The following PTPRD variants were observed in gnomAD, a reference collection of about 807,000 sequenced individuals.
PTPRD encodes protein tyrosine phosphatase receptor type D.
Under a neutral mutation model 214.5 loss-of-function variants are expected in PTPRD, and 34 were observed. The ratio of observed to expected loss-of-function variants is 0.16; its 90% CI spans 0.12 to 0.21. The LOEUF (loss-of-function observed/expected upper bound fraction) is 0.21. Ranked by LOEUF, PTPRD falls within the 10% of genes least tolerant of loss-of-function variation. The pLI is 1.00. For synonymous variants in PTPRD, 1,128 were observed against 845.7 expected (o/e 1.33, Z -5.79); for missense variants, 2,545 against 2,398.7 (o/e 1.06, Z -1.27).
At position 9,723,785 on chromosome 9, in the gene PTPRD, T is replaced by C. The variant is rs950770414; in HGVS notation, c.-287+10748A>G. Among the ~76,000 whole-genome samples, 34 of 152,216 alleles carry C rather than the reference T, an allele frequency of 2.2e-4. 1 individual carries two copies. Among genetic ancestry groups the C allele is most frequent in the African/African-American group, 8.2e-4 (34 of 41,560 alleles). On this transcript the variant is annotated intron_variant, in intron 7 of 45. Transcript: ENST00000381196. ...TACTTGATACTGTTTTGAATAGAAG[T>C]GTTTTCCTATTTTCATATTTGGGCT...
At chr9:10,248,379 T>C (rs1001848724) in intron 3 of PTPRD, among the ~76,000 whole-genome samples, 4 of 152,032 alleles carry the variant, frequency 2.6e-5, no homozygotes, top group Admixed American at 1.3e-4. Context: ...GCAGCACTTA[T>C]TGAAGAAAAA....
In PTPRD at chr9:8,353,937, CATATATAT is replaced by C. The variant is rs59488682; in HGVS notation, c.4662-11967_4662-11960del. 8.1e-3 allele frequency among the ~76,000 whole-genome samples: 495 copies of C among 61,298 alleles called. 41 individuals are homozygous for C. Among genetic ancestry groups the C allele is most frequent in the African/African-American group, 0.032 (469 of 14,780 alleles). The allele number at this position is 61,298 out of a possible 152,430, so 40.2% of individuals were successfully genotyped here. A position where few individuals can be genotyped will look rare whatever the true frequency, so the allele number is the denominator to read the frequency against. On this transcript the variant is annotated intron_variant, in intron 39 of 45. Transcript: ENST00000381196. ...ATATATGTATATATATGTGTGTGTA[CATATATAT>C]ATATATATATATATATATGTTTTTT... is the stretch of plus-strand genomic sequence containing the variant.
intron 4 of PTPRD, among the ~76,000 whole-genome samples, chr9:9,956,137 T>C (rs1236811474): frequency 6.6e-6 from 1 of 152,208 alleles, no homozygotes; most frequent in African/African-American, 2.4e-5. Flanking sequence ...GGTCTTCATT[T>C]CATCATAAAT....
At chr9:10,541,042 T>C (rs2784610) in intron 2 of PTPRD, among the ~76,000 whole-genome samples, 3 of 152,080 alleles carry the variant, frequency 2.0e-5, no homozygotes, top group African/African-American at 7.2e-5. Context: ...CCATTAAACA[T>C]TGATACGCAC....
At chr9:8,828,969 T>C (rs2097228853) in intron 11 of PTPRD, among the ~76,000 whole-genome samples, 1 of 152,170 alleles carries the variant, frequency 6.6e-6, no homozygotes, top group Non-Finnish European at 1.5e-5. Flanking sequence ...GAAACACATA[T>C]TCTTGGAAAT....
chr9:10,359,048 C>T (rs1160146990), intron 2 of PTPRD, among the ~76,000 whole-genome samples: 1 of 151,844 alleles, frequency 6.6e-6, no homozygotes, highest in Non-Finnish European at 1.5e-5. Context: ...ATATATATTA[C>T]AAGTCTAATA....
intron 5 of PTPRD, among the ~76,000 whole-genome samples, chr9:9,802,038 A>C (rs2099043836): frequency 6.6e-6 from 1 of 152,078 alleles, no homozygotes; most frequent in South Asian, 2.1e-4. Context: ...GTTTCATCTT[A>C]TGCATTTCAA....
At chr9:10,252,430 A>G (rs1343070911) in intron 3 of PTPRD, among the ~76,000 whole-genome samples, 7 of 152,142 alleles carry the variant, frequency 4.6e-5, no homozygotes, top group African/African-American at 1.7e-4. Context: ...GCCAGCTGCC[A>G]TCATCAACTG....
At chr9:9,235,904 A>G (rs1488933195) in intron 9 of PTPRD, among the ~76,000 whole-genome samples, 1 of 152,162 alleles carries the variant, frequency 6.6e-6, no homozygotes, top group Non-Finnish European at 1.5e-5. Flanking sequence ...ATGGAAAGTT[A>G]CCTTGCATGT....
At chr9:8,418,627 AG>A (rs2094130148) in intron 35 of PTPRD, among the ~76,000 whole-genome samples, 1 of 151,782 alleles carries the variant, frequency 6.6e-6, no homozygotes, top group South Asian at 2.1e-4. Context: ...AAGTCTTTCA[AG>A]GTTGGGAAAC....
intron 4 of PTPRD, among the ~76,000 whole-genome samples, chr9:9,973,301 C>CAA (rs747369676): frequency 0.016 from 1,200 of 74,162 alleles, 30 homozygotes; most frequent in African/African-American, 0.047. Context: ...CCTTGTCTTT[C>CAA]AAAAAAAAAA....
chr9:10,162,842 T>A (rs1487818697), intron 3 of PTPRD, among the ~76,000 whole-genome samples: 2 of 150,136 alleles, frequency 1.3e-5, no homozygotes, highest in Non-Finnish European at 3.0e-5. Flanking sequence ...CACAAACATT[T>A]TTTGGTTTTT....
chr9:9,316,186 T>C (rs771244174), intron 9 of PTPRD, among the ~76,000 whole-genome samples: 14 of 152,042 alleles, frequency 9.2e-5, no homozygotes, highest in Middle Eastern at 3.4e-3. Flanking sequence ...GTCCATGAGA[T>C]TGCTACACAA....
chr9:10,086,397 G>A (rs1457462918), intron 3 of PTPRD, among the ~76,000 whole-genome samples: 1 of 151,596 alleles, frequency 6.6e-6, no homozygotes, highest in Non-Finnish European at 1.5e-5. Context: ...TGCTACTGAA[G>A]GAAAATTTCC....
chr9:9,070,707 C>A (rs950722731), intron 10 of PTPRD, among the ~76,000 whole-genome samples: 1 of 152,116 alleles, frequency 6.6e-6, no homozygotes, highest in Non-Finnish European at 1.5e-5. Flanking sequence ...ATTTGAAGAT[C>A]CTATAATCAC....
intron 12 of PTPRD, among the ~76,000 whole-genome samples, chr9:8,678,059 T>TA (rs1425781733): frequency 9.2e-5 from 14 of 152,198 alleles, no homozygotes; most frequent in African/African-American, 2.9e-4. Context: ...ATCCCGGCAG[T>TA]GAAGTGTGAA....
chr9:9,751,684 G>T (rs1037495020), intron 6 of PTPRD, among the ~76,000 whole-genome samples: 3 of 152,056 alleles, frequency 2.0e-5, no homozygotes, highest in African/African-American at 7.2e-5. Context: ...TGAAGACAGA[G>T]ATTGGAATGA....
chr9:8,335,684 G>A (rs1320377989), intron 43 of PTPRD, among the ~76,000 whole-genome samples: 1 of 152,110 alleles, frequency 6.6e-6, no homozygotes, highest in Non-Finnish European at 1.5e-5. Flanking sequence ...ATTCAATTAG[G>A]AAAAGAGGAA....
chr9:9,754,640 C>G (rs1014921207), intron 6 of PTPRD, among the ~76,000 whole-genome samples: 2 of 152,026 alleles, frequency 1.3e-5, no homozygotes, highest in Non-Finnish European at 2.9e-5. Context: ...TTTAAGGGCA[C>G]TATATTGTTG....
Sources: gnomAD v4.1 joint callset for allele counts (sites outside exome capture counted in the v4.1 genomes callset) on GRCh38, gnomAD v4.1.1 for gene constraint, MANE v1.5 for transcripts, NCBI Gene and HGNC (gene_info 2026-07-23, HGNC 2026-07-21) for gene names.